The following SLC9A9 variants were observed in gnomAD, a reference collection of about 807,000 sequenced individuals.
SLC9A9 encodes solute carrier family 9 member A9.
SLC9A9 carries 62 observed loss-of-function variants against 77.8 expected under a neutral mutation model. The ratio of observed to expected loss-of-function variants is 0.80; its 90% CI spans 0.65 to 0.98. The LOEUF (loss-of-function observed/expected upper bound fraction) is 0.98. SLC9A9 is among the 50% of genes least tolerant of loss of function. The pLI is 0.00. For missense variants in SLC9A9, 775 were observed against 774.9 expected (o/e 1.00, Z 0.00); for synonymous variants, 320 against 283.5 (o/e 1.13, Z -1.29).
intron 4 of SLC9A9, among the ~76,000 whole-genome samples, chr3:143,699,833 C>T (rs1186200116): frequency 6.6e-6 from 1 of 152,064 alleles, no homozygotes; most frequent in Non-Finnish European, 1.5e-5. Flanking sequence ...GGCATGAGAC[C>T]TACTGAAACA....
chr3:143,678,167 C>T (rs1345771546), intron 5 of SLC9A9, among the ~76,000 whole-genome samples: 1 of 152,134 alleles, frequency 6.6e-6, no homozygotes, highest in East Asian at 1.9e-4. Context: ...TTACTTACTT[C>T]CAGATTGTCA....
At chr3:143,426,498 G>A (rs2034410780) in intron 12 of SLC9A9, among the ~76,000 whole-genome samples, 1 of 152,078 alleles carries the variant, frequency 6.6e-6, no homozygotes, top group Non-Finnish European at 1.5e-5. Context: ...TCCATTTCTG[G>A]AAAATGTAGT....
intron 6 of SLC9A9, among the ~76,000 whole-genome samples, chr3:143,651,826 T>C (rs1407518914): frequency 3.9e-5 from 6 of 152,222 alleles, no homozygotes; most frequent in African/African-American, 1.4e-4. Context: ...CATTGAGAAA[T>C]AAAGAGTATT....
At chr3:143,782,916 G>C (rs2007927246) in intron 4 of SLC9A9, among the ~76,000 whole-genome samples, 1 of 152,158 alleles carries the variant, frequency 6.6e-6, no homozygotes, top group African/African-American at 2.4e-5. Flanking sequence ...CTAGAAAATT[G>C]ATAGTTGCCC....
At chr3:143,380,382 A>T (rs960510285) in intron 13 of SLC9A9, among the ~76,000 whole-genome samples, 1 of 152,124 alleles carries the variant, frequency 6.6e-6, no homozygotes, top group African/African-American at 2.4e-5. Flanking sequence ...AAGACAGAGA[A>T]TTTTATTTGA....
chr3:143,695,549 G>A (rs1163694174), intron 4 of SLC9A9, among the ~76,000 whole-genome samples: 1 of 152,154 alleles, frequency 6.6e-6, no homozygotes, highest in African/African-American at 2.4e-5. Context: ...ATTCCATGGT[G>A]TATATGTGCC....
intron 5 of SLC9A9, among the ~76,000 whole-genome samples, chr3:143,666,463 T>C (rs935766465): frequency 6.6e-6 from 1 of 152,158 alleles, no homozygotes; most frequent in Admixed American, 6.5e-5. Context: ...CTATTCAACA[T>C]AGTGTTGGAC....
intron 2 of SLC9A9, among the ~76,000 whole-genome samples, chr3:143,810,983 CAT>C (rs1198697011): frequency 1.3e-5 from 2 of 152,052 alleles, no homozygotes. Flanking sequence ...GTTGAAGCAG[CAT>C]ATGAGTTGGA....
rs1481915996 is a variant in SLC9A9 at position 143,795,044 on chromosome 3, T to TTA, written c.488_489dup (p.Thr164Ter). 1 of 1,613,628 alleles carries TTA rather than the reference T, an allele frequency of 6.2e-7. No homozygotes were observed. On this transcript the variant is annotated frameshift_variant, in exon 4 of 16. Transcript: ENST00000316549. LOFTEE classifies it high-confidence loss of function. ...ATGGCAGTTCCCAAGAAGGCATACG[T>TTA]TAAAATAGATCCTAAGTTTTGAAAA...
intron 9 of SLC9A9, among the ~76,000 whole-genome samples, chr3:143,502,392 T>C (rs1176678088): frequency 6.6e-6 from 1 of 152,204 alleles, no homozygotes. Context: ...TTAAGTGACT[T>C]AATCTAGTTA....
At chr3:143,769,993 C>T (rs1576714236) in intron 4 of SLC9A9, among the ~76,000 whole-genome samples, 1 of 152,170 alleles carries the variant, frequency 6.6e-6, no homozygotes, top group East Asian at 1.9e-4. Flanking sequence ...TTTATTCTAA[C>T]TATATTAAAA....
At chr3:143,468,785 T>C (rs2035326866) in intron 11 of SLC9A9, among the ~76,000 whole-genome samples, 1 of 152,220 alleles carries the variant, frequency 6.6e-6, no homozygotes, top group Non-Finnish European at 1.5e-5. Context: ...TAAAACCTGT[T>C]TTTTCTTATT....
At chr3:143,268,502 G>C (rs1937796449) in intron 15 of SLC9A9, among the ~76,000 whole-genome samples, 2 of 152,046 alleles carry the variant, frequency 1.3e-5, no homozygotes, top group Admixed American at 6.5e-5. Context: ...GGGAGGTCGA[G>C]GCAGGTGGAT....
At chr3:143,447,042 C>A (rs928518599) in intron 12 of SLC9A9, among the ~76,000 whole-genome samples, 1 of 152,212 alleles carries the variant, frequency 6.6e-6, no homozygotes. Flanking sequence ...TTCCCTGTGA[C>A]ATGCACCACA....
At chr3:143,491,280 C>T (rs1017682952) in intron 11 of SLC9A9, among the ~76,000 whole-genome samples, 5 of 152,092 alleles carry the variant, frequency 3.3e-5, no homozygotes, top group African/African-American at 1.2e-4. Flanking sequence ...ATTTCAACCC[C>T]ATTAATATGA....
chr3:143,698,464 T>C (rs996221071), intron 4 of SLC9A9, among the ~76,000 whole-genome samples: 2 of 152,176 alleles, frequency 1.3e-5, no homozygotes, highest in African/African-American at 4.8e-5. Context: ...TAGAAGGCAT[T>C]GCATAAAAGG....
intron 12 of SLC9A9, among the ~76,000 whole-genome samples, chr3:143,417,553 G>A (rs1368778588): frequency 1.3e-5 from 2 of 150,596 alleles, no homozygotes; most frequent in African/African-American, 2.4e-5. Flanking sequence ...ATGGAGGGAG[G>A]GAAAAAGGGA....
At chr3:143,387,046 G>A (rs1019087804) in intron 12 of SLC9A9, among the ~76,000 whole-genome samples, 1 of 152,242 alleles carries the variant, frequency 6.6e-6, no homozygotes, top group East Asian at 1.9e-4. Context: ...TTGTCATATT[G>A]CCCAGGCTGT....
chr3:143,841,204 A>ACACG (rs996328936), intron 1 of SLC9A9, among the ~76,000 whole-genome samples: 9 of 152,124 alleles, frequency 5.9e-5, no homozygotes, highest in African/African-American at 1.9e-4. Flanking sequence ...ACACATACAC[A>ACACG]CACGCACACA....
Sources: gnomAD v4.1 joint callset for allele counts (sites outside exome capture counted in the v4.1 genomes callset) on GRCh38, gnomAD v4.1.1 for gene constraint, MANE v1.5 for transcripts, NCBI Gene and HGNC (gene_info 2026-07-23, HGNC 2026-07-21) for gene names.